TRAF3: variants seen among roughly 807,000 people sequenced by gnomAD.
The protein encoded by TRAF3 is TNF receptor associated factor 3.
A neutral mutation model predicts 62.3 loss-of-function variants in TRAF3; 13 were observed. The observed-to-expected ratio is 0.21, with a 90% confidence interval of 0.14 to 0.33. The LOEUF (loss-of-function observed/expected upper bound fraction) is 0.33, where lower values mean the gene tolerates loss of function less well. Ranked by LOEUF, TRAF3 falls within the 10% of genes least tolerant of loss-of-function variation. The pLI, the probability that TRAF3 is intolerant of heterozygous loss-of-function variation, is 1.00. For missense variants in TRAF3, 440 were observed against 741.8 expected, an observed-to-expected ratio of 0.59 and a Z score of 4.73; for synonymous variants, 269 against 283.4, an observed-to-expected ratio of 0.95 and a Z score of 0.51.
At chr14:102,833,994 G>GGAA (rs1555369926) in intron 2 of TRAF3, among the ~76,000 whole-genome samples, 6 of 150,118 alleles carry the variant, frequency 4.0e-5, no homozygotes, top group East Asian at 2.0e-4. Flanking sequence ...GTCTCGGGGG[G>GGAA]AAAAAAAAGA....
intron 1 of TRAF3, among the ~76,000 whole-genome samples, chr14:102,814,912 T>C (rs916253593): frequency 1.3e-5 from 2 of 152,222 alleles, no homozygotes; most frequent in Admixed American, 1.3e-4. Flanking sequence ...TTTGGCTTAT[T>C]GTGCTTTTGG....
chr14:102,828,497 G>A (rs1202284410), intron 1 of TRAF3, among the ~76,000 whole-genome samples: 1 of 152,208 alleles, frequency 6.6e-6, no homozygotes, highest in Non-Finnish European at 1.5e-5. Context: ...ACTTACTGAT[G>A]CAGTGGGCTT....
intron 2 of TRAF3, among the ~76,000 whole-genome samples, chr14:102,842,163 G>C (rs1317296498): frequency 6.6e-6 from 1 of 151,708 alleles, no homozygotes; most frequent in Non-Finnish European, 1.5e-5. Flanking sequence ...AGGATCACTT[G>C]AACCCGGGAG....
At chr14:102,872,426 G>T (rs896066596) in intron 4 of TRAF3, among the ~76,000 whole-genome samples, 3 of 152,154 alleles carry the variant, frequency 2.0e-5, no homozygotes, top group African/African-American at 7.2e-5. Flanking sequence ...TGTGCTCCCT[G>T]CCCCCCAGGC....
intron 1 of TRAF3, among the ~76,000 whole-genome samples, chr14:102,788,369 T>A (rs1193477412): frequency 6.6e-6 from 1 of 152,130 alleles, no homozygotes; most frequent in Non-Finnish European, 1.5e-5. Context: ...CTCTCTCTAG[T>A]TTAAAAATCA....
intron 4 of TRAF3, 151 bp from the exon 5 acceptor site, chr14:102,875,473 A>G (rs2139851941): frequency 1.6e-6 from 1 of 627,464 alleles, no homozygotes; most frequent in Non-Finnish European, 2.8e-6. Flanking sequence ...TTCTACTTCT[A>G]GAAATCAAGA....
chr14:102,822,858 T>G (rs945747638), intron 1 of TRAF3, among the ~76,000 whole-genome samples: 3 of 151,978 alleles, frequency 2.0e-5, no homozygotes, highest in Non-Finnish European at 4.4e-5. Flanking sequence ...AATACAAAAT[T>G]AGCCGGGCAT....
Position 102,831,847 on chromosome 14 carries a change from C to T in TRAF3, c.-18+1375C>T, listed in dbSNP as rs115870113. 7.1e-3 allele frequency among the ~76,000 whole-genome samples: 1,078 copies of T among 152,244 alleles called. 11 individuals carry two copies. Among genetic ancestry groups the T allele is most frequent in the African/African-American group, 0.025 (1,038 of 41,528 alleles). On this transcript the variant is annotated intron_variant, in intron 2 of 11. Transcript: ENST00000392745. ...TTTGGTTTATTACAACTTGCAGCTT[C>T]ATATCTTGTAAAACAAATTCATTTC...
At chr14:102,801,122 C>T (rs1213903931) in intron 1 of TRAF3, among the ~76,000 whole-genome samples, 1 of 152,172 alleles carries the variant, frequency 6.6e-6, no homozygotes, top group Non-Finnish European at 1.5e-5. Flanking sequence ...GCGGAGATCG[C>T]GCCACGGCAC....
At chr14:102,858,126 TGA>T (rs1887477772) in intron 2 of TRAF3, among the ~76,000 whole-genome samples, 1 of 151,658 alleles carries the variant, frequency 6.6e-6, no homozygotes, top group African/African-American at 2.4e-5. Flanking sequence ...CAGCTCTCCA[TGA>T]GAGTCCTGAA....
intron 1 of TRAF3, among the ~76,000 whole-genome samples, chr14:102,790,856 C>T (rs1897750141): frequency 6.6e-6 from 1 of 151,918 alleles, no homozygotes; most frequent in Non-Finnish European, 1.5e-5. Context: ...CTATTTGGGG[C>T]CAGTTGCAAC....
chr14:102,893,630 C>T (rs1377350636), intron 9 of TRAF3, among the ~76,000 whole-genome samples: 3 of 152,172 alleles, frequency 2.0e-5, no homozygotes, highest in Non-Finnish European at 4.4e-5. Context: ...AGCAGCCTGC[C>T]CACACACAGT....
chr14:102,809,150 C>T (rs984357977), intron 1 of TRAF3: 9 of 152,214 alleles, frequency 5.9e-5, no homozygotes, highest in Non-Finnish European at 1.3e-4. Flanking sequence ...CTACACGCGG[C>T]TAATTTTTTG....
Position 102,906,017 on chromosome 14 carries a change from T to G in TRAF3, c.*233T>G. ...TATTTATCCTTCAACAAGATAAATA[T>G]TGCTGTCAGAGAAGGTTTTCATTTT... On this transcript the variant is annotated 3_prime_UTR_variant, in exon 12 of 12. Transcript: ENST00000392745. 2.2e-6 allele frequency: 1 copy of G among 458,756 alleles called. No individual in the cohort carries two copies. Among genetic ancestry groups the G allele is most frequent in the East Asian group, 3.3e-5 (1 of 29,874 alleles). The allele number at this position is 458,756 out of a possible 1,614,324, so 28.4% of individuals were successfully genotyped here.
At chr14:102,885,243 C>T (rs959667648) in intron 6 of TRAF3, among the ~76,000 whole-genome samples, 9 of 152,218 alleles carry the variant, frequency 5.9e-5, no homozygotes, top group African/African-American at 1.9e-4. Context: ...CCCTCAGACC[C>T]GCCAGTCAGA....
intron 10 of TRAF3, among the ~76,000 whole-genome samples, chr14:102,898,509 G>A (rs1035632700): frequency 2.0e-5 from 3 of 152,214 alleles, no homozygotes; most frequent in South Asian, 2.1e-4. Context: ...CCTGTGGCCC[G>A]CCTGCACCTG....
At chr14:102,858,284 TG>T (rs1383078850) in intron 2 of TRAF3, among the ~76,000 whole-genome samples, 1 of 152,136 alleles carries the variant, frequency 6.6e-6, no homozygotes, top group African/African-American at 2.4e-5. Flanking sequence ...CCTGAGTAGC[TG>T]GGCTTACAGG....
intron 1 of TRAF3, among the ~76,000 whole-genome samples, chr14:102,796,158 A>C (rs1376815132): frequency 6.6e-6 from 1 of 152,242 alleles, no homozygotes; most frequent in African/African-American, 2.4e-5. Context: ...TGGAGGTTGC[A>C]GTGAGCCGAG....
chr14:102,839,410 G>A (rs1243926300), intron 2 of TRAF3, among the ~76,000 whole-genome samples: 3 of 152,092 alleles, frequency 2.0e-5, no homozygotes, highest in Admixed American at 1.3e-4. Flanking sequence ...AGTAGAGACG[G>A]GGTTTCACCT....
Sources: allele counts gnomAD v4.1 joint callset (sites outside exome capture counted in the v4.1 genomes callset), GRCh38; gene constraint gnomAD v4.1.1; transcripts MANE v1.5; gene names NCBI Gene and HGNC (gene_info 2026-07-23, HGNC 2026-07-21).